The following FHIT variants were observed in gnomAD, a reference collection of about 807,000 sequenced individuals.
FHIT encodes bis(5'-adenosyl)-triphosphatase.
Under a neutral mutation model 17.9 loss-of-function variants are expected in FHIT, and 19 were observed. The observed-to-expected ratio is 1.06, with a 90% CI of 0.74 to 1.56. FHIT has a LOEUF of 1.56. Among genes scored for constraint, FHIT ranks in the 40% most tolerant of loss-of-function variants. The probability of loss-of-function intolerance (pLI) is 0.00; values close to 1 mark genes in which losing one functional copy is unlikely to be tolerated. For synonymous variants in FHIT, 81 were observed against 69.7 expected (o/e 1.16, Z -0.81); for missense variants, 248 against 189.2 (o/e 1.31, Z -1.82).
intron 4 of FHIT, among the ~76,000 whole-genome samples, chr3:60,629,839 G>T (rs782734831): frequency 1.3e-5 from 2 of 152,160 alleles, no homozygotes; most frequent in African/African-American, 2.4e-5. Flanking sequence ...CCCATTTAAA[G>T]ATGACAATCC....
intron 5 of FHIT, among the ~76,000 whole-genome samples, chr3:60,233,185 T>C (rs1002255041): frequency 2.0e-5 from 3 of 152,174 alleles, no homozygotes; most frequent in Non-Finnish European, 4.4e-5. Flanking sequence ...AACTATTAAA[T>C]CCCCAATGAC....
intron 4 of FHIT, among the ~76,000 whole-genome samples, chr3:60,676,083 T>C (rs2040615289): frequency 6.6e-6 from 1 of 152,212 alleles, no homozygotes; most frequent in African/African-American, 2.4e-5. Flanking sequence ...TGTCCCAAGT[T>C]AAATACATTT....
chr3:61,093,011 G>T lies in FHIT; in HGVS notation c.-163-50912C>A, dbSNP rs183314242. On this transcript the variant is annotated intron_variant, in intron 2 of 9. Transcript: ENST00000492590. ...GAAAACATTTCTCATAAAGCCCAGG[G>T]CCCTGAGGGCACACAGAGCTAAGAC... Among the ~76,000 whole-genome samples, 10 of 152,194 alleles carry T rather than the reference G, an allele frequency of 6.6e-5. No homozygotes were observed. The East Asian group carries it at 1.9e-3, about 29-fold the overall frequency.
At chr3:60,860,971 T>C (rs1281072944) in intron 3 of FHIT, among the ~76,000 whole-genome samples, 1 of 100,162 alleles carries the variant, frequency 1.0e-5, no homozygotes, top group East Asian at 2.4e-4. Context: ...GTATATATCA[T>C]GTATATATGA....
intron 2 of FHIT, among the ~76,000 whole-genome samples, chr3:61,148,344 A>C (rs992415489): frequency 6.6e-6 from 1 of 152,084 alleles, no homozygotes; most frequent in African/African-American, 2.4e-5. Flanking sequence ...TTTCCAGAAA[A>C]TTACCTCCTG....
chr3:60,957,352 C>T (rs1286810320), intron 3 of FHIT, among the ~76,000 whole-genome samples: 4 of 151,314 alleles, frequency 2.6e-5, no homozygotes, highest in Non-Finnish European at 4.4e-5. Context: ...ATTCTCCTGC[C>T]TCAGCCTCCT....
At chr3:61,210,521 C>T (rs1363982353) in intron 1 of FHIT, among the ~76,000 whole-genome samples, 1 of 152,246 alleles carries the variant, frequency 6.6e-6, no homozygotes, top group Non-Finnish European at 1.5e-5. Flanking sequence ...GCCCCTCCCC[C>T]AGCCTCGCTG....
chr3:60,891,806 G>C (rs1317253281), intron 3 of FHIT, among the ~76,000 whole-genome samples: 1 of 152,088 alleles, frequency 6.6e-6, no homozygotes, highest in Non-Finnish European at 1.5e-5. Context: ...AGATCAGAAA[G>C]TACCCGGGCG....
chr3:59,975,447 C>T (rs1423150683), intron 7 of FHIT, among the ~76,000 whole-genome samples: 1 of 151,954 alleles, frequency 6.6e-6, no homozygotes, highest in Non-Finnish European at 1.5e-5. Flanking sequence ...TTGCATAGTT[C>T]CTGGCCACAC....
chr3:60,854,010 G>A (rs1481886340), intron 3 of FHIT, among the ~76,000 whole-genome samples: 2 of 152,056 alleles, frequency 1.3e-5, no homozygotes, highest in African/African-American at 2.4e-5. Flanking sequence ...ACAAAAGTAA[G>A]CATAATATCC....
At chr3:60,328,221 G>C (rs900620611) in intron 5 of FHIT, among the ~76,000 whole-genome samples, 8 of 152,220 alleles carry the variant, frequency 5.3e-5, no homozygotes, top group Admixed American at 2.0e-4. Context: ...AATGAGCAGA[G>C]ACAGGGATCT....
chr3:59,815,393 G>A (rs1286320442), intron 8 of FHIT, among the ~76,000 whole-genome samples: 1 of 152,088 alleles, frequency 6.6e-6, no homozygotes, highest in Non-Finnish European at 1.5e-5. Context: ...CTACCTAGAG[G>A]AAAAGATGTC....
intron 8 of FHIT, among the ~76,000 whole-genome samples, chr3:59,814,045 T>TAC (rs144355020): frequency 0.073 from 10,622 of 146,338 alleles, 1,107 homozygotes; most frequent in African/African-American, 0.24. Context: ...AATTTACACA[T>TAC]ACACACACAC....
At position 60,789,173 on chromosome 3, in the gene FHIT, T is replaced by TAGAGAG. The variant is rs1443026766; in HGVS notation, c.-18+32745_-18+32746insCTCTCT. Among the ~76,000 whole-genome samples the TAGAGAG allele has an allele frequency of 7.1e-3, 699 of 98,700 alleles. 5 individuals carry two copies. Among genetic ancestry groups the TAGAGAG allele is most frequent in the African/African-American group, 0.021 (543 of 26,246 alleles). The allele number at this position is 98,700 out of a possible 152,430, so 64.8% of individuals were successfully genotyped here. A position where few individuals can be genotyped will look rare whatever the true frequency, so the allele number is the denominator to read the frequency against. On this transcript the variant is annotated intron_variant, in intron 4 of 9. Transcript: ENST00000492590. ...GTGTGTGTGTATATATATATATATA[T>TAGAGAG]ATAGAGAGAGAGAGAGAGAGAGAGA...
intron 4 of FHIT, among the ~76,000 whole-genome samples, chr3:60,541,075 T>A (rs2036171612): frequency 6.6e-6 from 1 of 152,140 alleles, no homozygotes; most frequent in African/African-American, 2.4e-5. Context: ...CCAACTATCC[T>A]CCCAATCCCT....
At chr3:60,582,542 C>T (rs554875692) in intron 4 of FHIT, among the ~76,000 whole-genome samples, 4 of 152,026 alleles carry the variant, frequency 2.6e-5, no homozygotes, top group African/African-American at 9.6e-5. Context: ...CTTAACAGAC[C>T]AAAGTTTAAA....
intron 3 of FHIT, among the ~76,000 whole-genome samples, chr3:60,831,231 G>T (rs1405684316): frequency 1.3e-5 from 2 of 152,152 alleles, no homozygotes; most frequent in East Asian, 1.9e-4. Context: ...AAAGGAACGA[G>T]TTGAAGCTGA....
chr3:59,963,934 T>C (rs991066006), intron 7 of FHIT, among the ~76,000 whole-genome samples: 1 of 152,212 alleles, frequency 6.6e-6, no homozygotes, highest in Non-Finnish European at 1.5e-5. Flanking sequence ...ACATTTTTCA[T>C]CGTAACAGTG....
intron 4 of FHIT, among the ~76,000 whole-genome samples, chr3:60,656,593 T>A (rs527494282): frequency 5.1e-4 from 78 of 152,254 alleles, no homozygotes; most frequent in African/African-American, 1.7e-3. Flanking sequence ...GAAATGATAA[T>A]TCTGGCTTTC....
Sources: allele counts gnomAD v4.1 joint callset (sites outside exome capture counted in the v4.1 genomes callset), GRCh38; gene constraint gnomAD v4.1.1; transcripts MANE v1.5; gene names NCBI Gene and HGNC (gene_info 2026-07-23, HGNC 2026-07-21).